Variants in IQSEC1 observed in about 807,000 individuals in gnomAD.
IQSEC1 encodes IQ motif and Sec7 domain ArfGEF 1.
A neutral mutation model predicts 91.0 loss-of-function variants in IQSEC1; 31 were observed. That is an observed-to-expected ratio of 0.34 (90% confidence interval 0.26 to 0.46). The LOEUF (loss-of-function observed/expected upper bound fraction) is 0.46. IQSEC1 is among the 20% of genes least tolerant of loss of function. IQSEC1 has a pLI of 1.00. For synonymous variants in IQSEC1, 699 were observed against 662.6 expected (o/e 1.05, Z -0.84); for missense variants, 1,388 against 1,575.6 (o/e 0.88, Z 2.02).
At chr3:12,916,856 G>A (rs2125136191) in intron 6 of IQSEC1, among the ~76,000 whole-genome samples, 1 of 152,326 alleles carries the variant, frequency 6.6e-6, no homozygotes, top group Non-Finnish European at 1.5e-5. Context: ...AAGCACATGG[G>A]CCGTTTCTCT....
intron 1 of IQSEC1, among the ~76,000 whole-genome samples, chr3:13,001,581 G>A (rs1702426042): frequency 6.6e-6 from 1 of 152,206 alleles, no homozygotes; most frequent in Non-Finnish European, 1.5e-5. Flanking sequence ...TTGGTAGAGG[G>A]TCGTCCAGAT....
intron 1 of IQSEC1, among the ~76,000 whole-genome samples, chr3:13,200,230 C>T (rs1215631285): frequency 6.7e-6 from 1 of 149,390 alleles, no homozygotes; most frequent in Admixed American, 6.6e-5. Flanking sequence ...ACCAGACGTG[C>T]ACACAAACAC....
chr3:13,090,112 G>A (rs1300304256), intron 2 of IQSEC1, among the ~76,000 whole-genome samples: 1 of 152,044 alleles, frequency 6.6e-6, no homozygotes, highest in Non-Finnish European at 1.5e-5. Context: ...CAGCTACTCG[G>A]GAGGCTGAGG....
chr3:12,980,897 TTA>T (rs1431102931), intron 1 of IQSEC1, among the ~76,000 whole-genome samples: 2 of 152,238 alleles, frequency 1.3e-5, no homozygotes, highest in Non-Finnish European at 2.9e-5. Flanking sequence ...CATGGCTGTC[TTA>T]GCCGATCCTG....
intron 1 of IQSEC1, among the ~76,000 whole-genome samples, chr3:13,235,360 A>G (rs1010108387): frequency 6.6e-6 from 1 of 152,014 alleles, no homozygotes; most frequent in Non-Finnish European, 1.5e-5. Flanking sequence ...ATCAATCCCA[A>G]CCACTGCTGC....
At chr3:13,094,930 C>T (rs974955597) in intron 2 of IQSEC1, among the ~76,000 whole-genome samples, 2 of 152,198 alleles carry the variant, frequency 1.3e-5, no homozygotes, top group East Asian at 1.9e-4. Flanking sequence ...GCAGGCCACA[C>T]GCTGAGAGAG....
At chr3:13,224,213 G>A (rs1346531973) in intron 1 of IQSEC1, among the ~76,000 whole-genome samples, 1 of 152,136 alleles carries the variant, frequency 6.6e-6, no homozygotes, top group African/African-American at 2.4e-5. Flanking sequence ...TACCAGGAAT[G>A]AGTCCCCTCT....
intron 1 of IQSEC1, among the ~76,000 whole-genome samples, chr3:13,011,020 C>A (rs1702859664): frequency 6.6e-6 from 1 of 152,236 alleles, no homozygotes; most frequent in Non-Finnish European, 1.5e-5. Flanking sequence ...TCAGTGGCAT[C>A]TACCTCCAGC....
chr3:12,966,180 G>A (rs180802902), intron 1 of IQSEC1, among the ~76,000 whole-genome samples: 32 of 152,310 alleles, frequency 2.1e-4, no homozygotes, highest in African/African-American at 7.7e-4. Flanking sequence ...TCTTGCAGCT[G>A]CAGCATGCCT....
intron 1 of IQSEC1, among the ~76,000 whole-genome samples, chr3:13,069,979 G>A (rs1705359942): frequency 6.6e-6 from 1 of 152,048 alleles, no homozygotes; most frequent in Non-Finnish European, 1.5e-5. Context: ...CCACCTTCAC[G>A]ATGGACTGAG....
chr3:13,230,373 C>T (rs1297047485), intron 1 of IQSEC1, among the ~76,000 whole-genome samples: 1 of 152,202 alleles, frequency 6.6e-6, no homozygotes, highest in African/African-American at 2.4e-5. Context: ...TCGTGGTGGA[C>T]TCTGGTGAAG....
At chr3:13,005,710 T>C (rs936264183) in intron 1 of IQSEC1, among the ~76,000 whole-genome samples, 2 of 152,172 alleles carry the variant, frequency 1.3e-5, no homozygotes, top group African/African-American at 4.8e-5. Flanking sequence ...CTATAGCTGG[T>C]GGCTACTGCT....
chr3:13,092,246 G>A (rs1467213327), intron 2 of IQSEC1, among the ~76,000 whole-genome samples: 1 of 152,196 alleles, frequency 6.6e-6, no homozygotes. Flanking sequence ...ACCGTATCAC[G>A]GGGGTGTTTC....
chr3:12,984,331 A>G (rs2125598985), intron 1 of IQSEC1, among the ~76,000 whole-genome samples: 1 of 152,260 alleles, frequency 6.6e-6, no homozygotes, highest in East Asian at 1.9e-4. Context: ...CACCATCCAC[A>G]TGTAGGGCCC....
In IQSEC1 at chr3:12,900,662, GGAGCTGA is replaced by G. The variant is rs956278243; in HGVS notation, c.*314_*320del. The G allele has an allele frequency of 4.0e-5, 51 of 1,267,494 alleles. No homozygotes were observed. The African/African-American group carries it at 6.4e-4, about 16-fold the overall frequency. 78.5% of individuals were successfully genotyped at this position (1,267,494 alleles called of 1,614,324 possible). On this transcript the variant is annotated 3_prime_UTR_variant, in exon 14 of 14. Transcript: ENST00000613206. Reference sequence around the variant, plus strand: ...CATATGCATGTACATTAGGGCACAGGGAGCTGAGAGCTGGAGTGGGGGAGGCAGTTCA... The same window carrying G: ...CATATGCATGTACATTAGGGCACAGGGAGCTGGAGTGGGGGAGGCAGTTCA...
At chr3:13,019,665 A>G (rs1243194756) in intron 1 of IQSEC1, among the ~76,000 whole-genome samples, 1 of 152,144 alleles carries the variant, frequency 6.6e-6, no homozygotes, top group East Asian at 1.9e-4. Flanking sequence ...CCCAAGGCCC[A>G]TCCTCCCCAG....
intron 1 of IQSEC1, among the ~76,000 whole-genome samples, chr3:13,040,293 C>T (rs1467351928): frequency 6.6e-6 from 1 of 152,240 alleles, no homozygotes; most frequent in Non-Finnish European, 1.5e-5. Context: ...AGACCTCCCT[C>T]AGGCTGCTGG....
intron 13 of IQSEC1, 103 bp downstream of exon 13, chr3:12,902,670 C>CAAAAAAAAAAAAAAAAAAAAACA: frequency 5.2e-6 from 1 of 191,022 alleles, no homozygotes; most frequent in Non-Finnish European, 9.1e-6. Context: ...AAAAAAAAAC[C>CAAAAAAAAAAAAAAAAAAAAACA]AAAAAAAAAA....
At chr3:13,114,005 G>A (rs754555993) in intron 2 of IQSEC1, among the ~76,000 whole-genome samples, 4 of 152,374 alleles carry the variant, frequency 2.6e-5, no homozygotes, top group East Asian at 1.9e-4. Context: ...CTCTGTTCAC[G>A]AGAAAAGAAA....
Sources: allele counts gnomAD v4.1 joint callset (sites outside exome capture counted in the v4.1 genomes callset), GRCh38; gene constraint gnomAD v4.1.1; transcripts MANE v1.5; gene names NCBI Gene and HGNC (gene_info 2026-07-23, HGNC 2026-07-21).